The following ACTN2 variants were observed in gnomAD, a reference collection of about 807,000 sequenced individuals.
ACTN2 encodes actinin alpha 2, also known as alpha-actinin-2.
A neutral mutation model predicts 113.8 loss-of-function variants in ACTN2; 39 were observed. That is an observed-to-expected ratio of 0.34 (90% CI 0.27 to 0.45). The LOEUF is 0.45. Ranked by LOEUF, ACTN2 falls within the 20% of genes least tolerant of loss-of-function variation. The probability of loss-of-function intolerance (pLI) is 1.00; values close to 1 mark genes in which losing one functional copy is unlikely to be tolerated. For missense variants in ACTN2, 992 were observed against 1,177.9 expected (o/e 0.84, Z 2.31); for synonymous variants, 429 against 444.1 (o/e 0.97, Z 0.43).
chr1:236,758,346 C>T lies in ACTN2; in HGVS notation c.2301+714C>T, dbSNP rs568701157. 6.1e-4 allele frequency among the ~76,000 whole-genome samples: 91 copies of T among 148,324 alleles called. 7 individuals carry two copies. The highest frequency in any genetic ancestry group is 2.0e-3 in the African/African-American group (80 of 39,536). ...CTGTCACCAGGCTGGAGTGCAGTGG[C>T]ATGATCTCGGCTCACTGCAACCTCC... is the stretch of plus-strand genomic sequence containing the variant. On this transcript the variant is annotated intron_variant, in intron 18 of 20. Coordinates refer to ENST00000366578, the MANE Select transcript of ACTN2 (RefSeq NM_001103.4).
intron 1 of ACTN2, among the ~76,000 whole-genome samples, chr1:236,696,567 G>A (rs1657507017): frequency 2.0e-5 from 3 of 151,926 alleles, no homozygotes; most frequent in Non-Finnish European, 4.4e-5. Context: ...TTATATGTAA[G>A]ATAGAACGAT....
At chr1:236,747,284 C>T (rs990833583) in intron 12 of ACTN2, among the ~76,000 whole-genome samples, 1 of 152,198 alleles carries the variant, frequency 6.6e-6, no homozygotes, top group Non-Finnish European at 1.5e-5. Context: ...ACAGTGATGA[C>T]AGTTAACAAA....
At chr1:236,693,391 A>C (rs1321214551) in intron 1 of ACTN2, among the ~76,000 whole-genome samples, 1 of 152,178 alleles carries the variant, frequency 6.6e-6, no homozygotes, top group African/African-American at 2.4e-5. Context: ...TAAGGAGCTT[A>C]CAGCCAAGTT....
chr1:236,756,844 C>G (rs375222817), intron 17 of ACTN2, among the ~76,000 whole-genome samples: 1 of 6,878 alleles, frequency 1.5e-4, no homozygotes, highest in African/African-American at 3.4e-4. Context: ...CGTTAGAACC[C>G]TGGTTATAGA....
intron 1 of ACTN2, among the ~76,000 whole-genome samples, chr1:236,703,921 C>T (rs1016210589): frequency 6.6e-6 from 1 of 152,052 alleles, no homozygotes; most frequent in Non-Finnish European, 1.5e-5. Flanking sequence ...AGGAAATTTT[C>T]TTAAGCAGGA....
intron 6 of ACTN2, among the ~76,000 whole-genome samples, chr1:236,728,606 T>C (rs1658627879): frequency 6.7e-6 from 1 of 149,266 alleles, no homozygotes; most frequent in Admixed American, 6.7e-5. Flanking sequence ...TAAGAAGTTT[T>C]TGGGGCAGGC....
In ACTN2 at chr1:236,754,062, G is replaced by A. The variant is rs955108317; in HGVS notation, c.1955G>A (p.Trp652Ter). ...GCCCAAGCCAATGCCATTGGGCCCT[G>A]GATCCAGAACAAGATGGAGGTAAGC... ...FAAQANAIGPWIQNKMEEIAR... is the reference protein window; with the variant it reads ...FAAQANAIGP The change falls in exon 16 of 21, where the codon TGG becomes TAG. Residue 652 changes from tryptophan to a stop codon, truncating the protein, a stop_gained. Transcript: ENST00000366578. LOFTEE classifies it high-confidence loss of function. The surrounding 1 kb of genome is among the most constrained non-coding windows in gnomAD (Gnocchi z 4.9). 1.2e-6 allele frequency: 2 copies of A among 1,613,954 alleles called. No individual in the cohort carries two copies. Among genetic ancestry groups the A allele is most frequent in the Non-Finnish European group, 1.7e-6 (2 of 1,180,056 alleles).
intron 1 of ACTN2, among the ~76,000 whole-genome samples, chr1:236,716,179 A>T (rs1458727652): frequency 6.6e-6 from 1 of 151,692 alleles, no homozygotes; most frequent in Non-Finnish European, 1.5e-5. Flanking sequence ...CAGATTTGAA[A>T]ATCCTCTTTA....
chr1:236,755,517 G>A (rs967268536), intron 17 of ACTN2, among the ~76,000 whole-genome samples: 20 of 152,210 alleles, frequency 1.3e-4, no homozygotes, highest in African/African-American at 4.6e-4. Flanking sequence ...CTCCCTGGGA[G>A]CCAGCAGGTA....
chr1:236,732,622 T>C (rs1023480869), intron 7 of ACTN2, among the ~76,000 whole-genome samples: 2 of 151,970 alleles, frequency 1.3e-5, no homozygotes, highest in African/African-American at 2.4e-5. Flanking sequence ...TTTGTTTTTT[T>C]AGTAGAGACA....
intron 14 of ACTN2, among the ~76,000 whole-genome samples, chr1:236,749,625 C>T (rs551037750): frequency 1.3e-5 from 2 of 152,062 alleles, no homozygotes; most frequent in East Asian, 1.9e-4. Context: ...GGCAAAACCC[C>T]GTCTCTACAA....
intron 1 of ACTN2, among the ~76,000 whole-genome samples, chr1:236,709,255 T>TATATATATACACACAC (rs796606511): frequency 1.2e-4 from 8 of 68,904 alleles, no homozygotes; most frequent in East Asian, 1.1e-3. Flanking sequence ...TATATATATA[T>TATATATATACACACAC]ACACACACAC....
At position 236,720,051 on chromosome 1, in the gene ACTN2, G is replaced by A. The variant is rs1358169478; in HGVS notation, c.362-54G>A. On this transcript the variant is annotated intron_variant, in intron 3 of 20. Transcript: ENST00000366578. ...GTCAACATTTATATATAGGAAAAAA[G>A]TTACGTACAGACTATGTTATCTTTA... is the stretch of plus-strand genomic sequence containing the variant. 5 of 1,279,008 alleles carry A rather than the reference G, an allele frequency of 3.9e-6. No individual in the cohort carries two copies. The Admixed American group carries it at 5.0e-5, about 13-fold the overall frequency. 79.2% of individuals were successfully genotyped at this position (1,279,008 alleles called of 1,614,324 possible).
At chr1:236,691,149 A>G (rs1339128268) in intron 1 of ACTN2, among the ~76,000 whole-genome samples, 1 of 151,582 alleles carries the variant, frequency 6.6e-6, no homozygotes, top group African/African-American at 2.4e-5. Flanking sequence ...TCACTGTGTT[A>G]GCCAGGATGG....
rs61416484 is a variant in ACTN2 at position 236,754,680 on chromosome 1, AC to A, written c.1975-334del. On this transcript the variant is annotated intron_variant, in intron 16 of 20. Coordinates refer to ENST00000366578, the MANE Select transcript of ACTN2 (RefSeq NM_001103.4). The surrounding 1 kb of genome is among the most constrained non-coding windows in gnomAD (Gnocchi z 4.9). ...TCTGGCAGCTCCACCCAGGCAGCCCACCCCCAGCCTCCTCCAGAGCAGGGTA... is the reference window on the plus strand; with the variant it reads ...TCTGGCAGCTCCACCCAGGCAGCCCACCCCAGCCTCCTCCAGAGCAGGGTA... Among the ~76,000 whole-genome samples the A allele has an allele frequency of 0.021, 3,231 of 152,144 alleles. 124 individuals carry two copies. The highest frequency in any genetic ancestry group is 0.074 in the African/African-American group (3,081 of 41,492).
chr1:236,755,050 G>A lies in ACTN2; in HGVS notation c.2006G>A (p.Gly669Glu). Residue 669 changes from glycine (G) to glutamate (E), a missense_variant, in exon 17 of 21, where the codon GGA becomes GAA. By Grantham distance (98) the Gly-to-Glu change is moderately conservative (BLOSUM62 -2). Transcript: ENST00000366578. ...GCCCGGAGCTCCATCCAGATCACAG[G>A]AGCCCTGGAAGACCAGATGAACCAG... ...EIARSSIQIT[G>E]ALEDQMNQLK... The A allele has an allele frequency of 6.2e-7, 1 of 1,614,204 alleles. No individual in the cohort carries two copies. Among genetic ancestry groups the A allele is most frequent in the Non-Finnish European group, 8.5e-7 (1 of 1,180,046 alleles).
chr1:236,760,603 T>C (rs776689611), intron 19 of ACTN2, among the ~76,000 whole-genome samples: 1 of 152,222 alleles, frequency 6.6e-6, no homozygotes, highest in African/African-American at 2.4e-5. Context: ...CCCTTGATTC[T>C]CTTTGGGACT....
chr1:236,721,015 G>GGGTTTTTTTTTTTTTT, intron 4 of ACTN2, among the ~76,000 whole-genome samples: 2 of 49,138 alleles, frequency 4.1e-5, no homozygotes, highest in Non-Finnish European at 3.4e-5. Context: ...TCTGGTTTTT[G>GGGTTTTTTTTTTTTTT]TTTTTTGTTT....
At chr1:236,688,835 G>A (rs79277266) in intron 1 of ACTN2, among the ~76,000 whole-genome samples, 5,693 of 152,168 alleles carry the variant, frequency 0.037, 350 homozygotes, top group African/African-American at 0.12. Flanking sequence ...TGCTGGAACC[G>A]GACAAGGGTA....
Sources: allele counts gnomAD v4.1 joint callset (sites outside exome capture counted in the v4.1 genomes callset), GRCh38; gene constraint gnomAD v4.1.1; non-coding constraint Gnocchi (gnomAD v3.1); transcripts MANE v1.5; gene names NCBI Gene and HGNC (gene_info 2026-07-23, HGNC 2026-07-21).